PCDHGB7: variants seen among roughly 807,000 people sequenced by gnomAD.
PCDHGB7 encodes the protein protocadherin gamma subfamily B, 7, also known as protocadherin gamma-B7.
Under a neutral mutation model 61.4 loss-of-function variants are expected in PCDHGB7, and 37 were observed. The ratio of observed to expected loss-of-function variants is 0.60; its 90% CI spans 0.46 to 0.79. The LOEUF (loss-of-function observed/expected upper bound fraction) is 0.79. PCDHGB7 is among the 30% of genes least tolerant of loss of function. The pLI is 0.00. For missense variants in PCDHGB7, 1,166 were observed against 1,202.5 expected (o/e 0.97, Z 0.45); for synonymous variants, 464 against 503.5 (o/e 0.92, Z 1.05).
chr5:141,504,937 G>A (rs1350441435), intron 2 of PCDHGB7, among the ~76,000 whole-genome samples: 2 of 152,054 alleles, frequency 1.3e-5, no homozygotes, highest in East Asian at 1.9e-4. Context: ...GGTGGGTGGG[G>A]GAATGCACTA....
rs547854431 is a variant in PCDHGB7, at chr5:141,476,383, C to A, written c.2416-18424C>A. 1.2e-6 allele frequency: 2 copies of A among 1,614,102 alleles called. No homozygotes were observed. Among genetic ancestry groups the A allele is most frequent in the African/African-American group, 1.3e-5 (1 of 75,014 alleles). On this transcript the variant is annotated intron_variant, in intron 1 of 3. Transcript: ENST00000398594. The surrounding 1 kb of genome is among the most constrained non-coding windows in gnomAD (Gnocchi z 7.6). ...GGGAGACCGGAGAGATGTTTGTGAA[C>A]GACCGTCTGGATCGAGAGGAGCTGT...
rs1007349455 is a variant in PCDHGB7, at chr5:141,419,051, T to A, written c.1192T>A (p.Ser398Thr). ...TGTTCCATTTAAGATTCATTCTTCT[T>A]CTAATAATTACTACAAGCTAGTAAC... Reference protein sequence around the residue: ...RGVPFKIHSSSNNYYKLVTDE... With the variant: ...RGVPFKIHSSTNNYYKLVTDE... The change falls in exon 1 of 4, where the codon TCT becomes ACT. Residue 398 changes from serine to threonine, a missense_variant. Physicochemically the swap from Ser to Thr is moderately conservative, Grantham distance 58. Coordinates refer to ENST00000398594, the MANE Select transcript of PCDHGB7 (RefSeq NM_018927.4). 3.7e-6 allele frequency: 6 copies of A among 1,613,950 alleles called. No homozygotes were observed. Among genetic ancestry groups the A allele is most frequent in the East Asian group, 2.2e-5 (1 of 44,880 alleles).
chr5:141,505,450 G>T lies in PCDHGB7; in HGVS notation c.2532G>T (p.Met844Ile). Residue 844 changes from methionine (M) to isoleucine (I), a missense_variant, in exon 3 of 4, where the codon ATG becomes ATT. By Grantham distance (10) the Met-to-Ile change is conservative (BLOSUM62 1). Coordinates refer to ENST00000398594, the MANE Select transcript of PCDHGB7 (RefSeq NM_018927.4). ...TWPNNQFDTE[M>I]LQAMILASAS... ...CCAACAACCAGTTTGACACAGAGAT[G>T]CTGCAAGCCATGATCTTGGCGTCCG... 6.2e-7 allele frequency: 1 copy of T among 1,614,194 alleles called. No homozygotes were observed. The highest frequency in any genetic ancestry group is 8.5e-7 in the Non-Finnish European group (1 of 1,180,012).
chr5:141,507,478 C>A (rs933478897), intron 3 of PCDHGB7, among the ~76,000 whole-genome samples: 3 of 152,158 alleles, frequency 2.0e-5, no homozygotes, highest in Non-Finnish European at 4.4e-5. Context: ...GGACTGCTGG[C>A]CTCCTGAGGC....
intron 1 of PCDHGB7, among the ~76,000 whole-genome samples, chr5:141,455,172 G>GT (rs1344126228): frequency 3.3e-5 from 5 of 150,340 alleles, no homozygotes; most frequent in South Asian, 4.2e-4. Context: ...TTTTTTTTTA[G>GT]TTTTTTTATT....
intron 1 of PCDHGB7, chr5:141,427,741 C>T (rs748636652): frequency 8.1e-7 from 1 of 1,240,376 alleles, no homozygotes; most frequent in Non-Finnish European, 1.2e-6. Context: ...GGCCAAGTCT[C>T]CTACTCCATC....
intron 2 of PCDHGB7, 166 bp from the exon 3 acceptor site, chr5:141,505,227 T>C: frequency 1.2e-6 from 1 of 840,112 alleles, no homozygotes; most frequent in Non-Finnish European, 1.4e-6. Context: ...TGTGGGATTC[T>C]GGCTTCTGAA....
At chr5:141,497,101 G>A (rs1465038195) in intron 2 of PCDHGB7, among the ~76,000 whole-genome samples, 1 of 152,042 alleles carries the variant, frequency 6.6e-6, no homozygotes, top group African/African-American at 2.4e-5. Flanking sequence ...AGGCAGAACT[G>A]CTTGAACCCG....
In PCDHGB7 at chr5:141,418,389, A is replaced by G. The variant is rs768078575; in HGVS notation, c.530A>G (p.Tyr177Cys). Residue 177 changes from tyrosine (Y) to cysteine (C), a missense_variant, in exon 1 of 4, where the codon TAT becomes TGT. By Grantham distance (194) the Tyr-to-Cys change is radical (BLOSUM62 -2). Coordinates refer to ENST00000398594, the MANE Select transcript of PCDHGB7 (RefSeq NM_018927.4). ...LSKYQLSPNE[Y>C]FSLVEKDNPD... ...AAATACCAACTAAGTCCTAACGAGT[A>G]TTTCTCATTGGTGGAGAAAGACAAT... 6.2e-7 allele frequency: 1 copy of G among 1,613,996 alleles called. No homozygotes were observed. Among genetic ancestry groups the G allele is most frequent in the South Asian group, 1.1e-5 (1 of 91,082 alleles).
rs182905441 is a variant in PCDHGB7, at chr5:141,450,871, C to A, written c.2415+30597C>A. Among the ~76,000 whole-genome samples, 581 of 149,672 alleles carry A rather than the reference C, an allele frequency of 3.9e-3. 6 individuals carry two copies. Among genetic ancestry groups the A allele is most frequent in the Admixed American group, 0.011 (168 of 14,998 alleles). ...ATGGGGTCTTGCTCTGTCACCCAGGCTGGTGTGCAGTGGTGCGATATCGGC... is the reference window on the plus strand; with the variant it reads ...ATGGGGTCTTGCTCTGTCACCCAGGATGGTGTGCAGTGGTGCGATATCGGC... On this transcript the variant is annotated intron_variant, in intron 1 of 3. Coordinates refer to ENST00000398594, the MANE Select transcript of PCDHGB7 (RefSeq NM_018927.4).
At chr5:141,510,349 C>T (rs1461596705) in intron 3 of PCDHGB7, among the ~76,000 whole-genome samples, 1 of 148,468 alleles carries the variant, frequency 6.7e-6, no homozygotes, top group Non-Finnish European at 1.5e-5. Context: ...CACACACTTA[C>T]TAACGGAACT....
At position 141,432,778 on chromosome 5, in the gene PCDHGB7, G is replaced by T; in HGVS notation, c.2415+12504G>T. The T allele has an allele frequency of 3.7e-6, 6 of 1,614,166 alleles. No individual in the cohort carries two copies. Among genetic ancestry groups the T allele is most frequent in the Non-Finnish European group, 5.1e-6 (6 of 1,180,002 alleles). ...CCGACAGCATCCCCCAAGTCCTGGCGGACCTCGGCAGCCTCGAGTCTCCAG... is the reference window on the plus strand; with the variant it reads ...CCGACAGCATCCCCCAAGTCCTGGCTGACCTCGGCAGCCTCGAGTCTCCAG... On this transcript the variant is annotated intron_variant, in intron 1 of 3. Transcript: ENST00000398594. The surrounding 1 kb of genome is among the most constrained non-coding windows in gnomAD (Gnocchi z 6.0).
chr5:141,430,151 A>T (rs774490087), intron 1 of PCDHGB7, among the ~76,000 whole-genome samples: 8 of 152,166 alleles, frequency 5.3e-5, no homozygotes, highest in Non-Finnish European at 8.8e-5. Flanking sequence ...GGATCATTCA[A>T]GGAATCTATT....
In PCDHGB7 at chr5:141,511,112, G is replaced by C. The variant is rs767257788; in HGVS notation, c.2729G>C (p.Gly910Ala). The change falls in exon 4 of 4, where the codon GGC becomes GCC. Residue 910 changes from glycine (G) to alanine (A), a missense_variant. Coordinates refer to ENST00000398594, the MANE Select transcript of PCDHGB7 (RefSeq NM_018927.4). ...TLTNAAGKRD[G>A]KAPAGGNGNK... The stretch of plus-strand genomic sequence containing the variant: ...ACCAACGCAGCTGGCAAGCGGGATG[G>C]CAAGGCCCCAGCAGGTGGCAATGGC... The C allele has an allele frequency of 4.3e-6, 7 of 1,614,232 alleles. No homozygotes were observed. Among genetic ancestry groups the C allele is most frequent in the Non-Finnish European group, 5.9e-6 (7 of 1,180,024 alleles).
rs1176011355 is a variant in PCDHGB7 at position 141,485,491 on chromosome 5, G to A, written c.2416-9316G>A. The A allele has an allele frequency of 1.2e-6, 2 of 1,614,142 alleles. No individual in the cohort carries two copies. Among genetic ancestry groups the A allele is most frequent in the Non-Finnish European group, 1.7e-6 (2 of 1,180,040 alleles). On this transcript the variant is annotated intron_variant, in intron 1 of 3. Transcript: ENST00000398594. This position sits in a 1 kb window ranked among gnomAD's most constrained non-coding sequence, Gnocchi z 5.7. ...TCAGTGCCAGCTGCATCGTGCCCCT[G>A]GAGTTTGTCACCGAAGGTCCTTTGG...
At chr5:141,475,553 TTGTC>T (rs2099365287) in intron 1 of PCDHGB7, among the ~76,000 whole-genome samples, 2 of 152,260 alleles carry the variant, frequency 1.3e-5, no homozygotes, top group Non-Finnish European at 2.9e-5. Context: ...GTCCGGCTAA[TTGTC>T]TGTCTTCCAA....
At position 141,418,387 on chromosome 5, in the gene PCDHGB7, G is replaced by C. The variant is rs1172239604; in HGVS notation, c.528G>C (p.Glu176Asp). 1.9e-6 allele frequency: 3 copies of C among 1,613,884 alleles called. No homozygotes were observed. The highest frequency in any genetic ancestry group is 2.5e-6 in the Non-Finnish European group (3 of 1,179,904). Residue 176 changes from glutamate (E) to aspartate (D), a missense_variant, in exon 1 of 4, where the codon GAG becomes GAC. Transcript: ENST00000398594. ...SLSKYQLSPNEYFSLVEKDNP... is the reference protein window; with the variant it reads ...SLSKYQLSPNDYFSLVEKDNP... Reference sequence around the variant, plus strand: ...GCAAATACCAACTAAGTCCTAACGAGTATTTCTCATTGGTGGAGAAAGACA... The same window carrying C: ...GCAAATACCAACTAAGTCCTAACGACTATTTCTCATTGGTGGAGAAAGACA...
intron 1 of PCDHGB7, among the ~76,000 whole-genome samples, chr5:141,455,133 CTG>C (rs2098814252): frequency 6.6e-6 from 1 of 151,392 alleles, no homozygotes; most frequent in African/African-American, 2.4e-5. Flanking sequence ...TTAAATTACA[CTG>C]TGTTAAATAA....
chr5:141,490,402 G>A lies in PCDHGB7; in HGVS notation c.2416-4405G>A. On this transcript the variant is annotated intron_variant, in intron 1 of 3. Coordinates refer to ENST00000398594, the MANE Select transcript of PCDHGB7 (RefSeq NM_018927.4). This position sits in a 1 kb window ranked among gnomAD's most constrained non-coding sequence, Gnocchi z 5.4. The stretch of plus-strand genomic sequence containing the variant: ...AGGTAGAAATGGTGAAGTGAGCCTT[G>A]ATATCTCTCCGGACCTGCCATTTCA... 6.2e-7 allele frequency: 1 copy of A among 1,614,182 alleles called. No homozygotes were observed. The highest frequency in any genetic ancestry group is 8.5e-7 in the Non-Finnish European group (1 of 1,180,024).
Sources: gnomAD v4.1 joint callset for allele counts (sites outside exome capture counted in the v4.1 genomes callset) on GRCh38, gnomAD v4.1.1 for gene constraint, Gnocchi (gnomAD v3.1) non-coding constraint, MANE v1.5 for transcripts, NCBI Gene and HGNC (gene_info 2026-07-23, HGNC 2026-07-21) for gene names.